Variants in KAT6B observed in about 807,000 individuals in gnomAD.
KAT6B encodes histone acetyltransferase KAT6B.
KAT6B carries 10 observed loss-of-function variants against 187.5 expected under a neutral mutation model. The ratio of observed to expected loss-of-function variants is 0.05; its 90% CI spans 0.03 to 0.09. The LOEUF is 0.09. Ranked by LOEUF, KAT6B falls within the 10% of genes least tolerant of loss-of-function variation. The probability of loss-of-function intolerance (pLI) is 1.00; values close to 1 mark genes in which losing one functional copy is unlikely to be tolerated. For synonymous variants in KAT6B, 861 were observed against 926.8 expected, an observed-to-expected ratio of 0.93 and a Z score of 1.29; for missense variants, 1,952 against 2,558.9, an observed-to-expected ratio of 0.76 and a Z score of 5.12.
At chr10:74,999,314 A>G (rs1214140833) in intron 13 of KAT6B, among the ~76,000 whole-genome samples, 1 of 152,218 alleles carries the variant, frequency 6.6e-6, no homozygotes, top group African/African-American at 2.4e-5. Flanking sequence ...TTGGATGTCT[A>G]CGTGCACTTT....
At chr10:74,849,451 C>T (rs1842327970) in intron 3 of KAT6B, among the ~76,000 whole-genome samples, 1 of 151,886 alleles carries the variant, frequency 6.6e-6, no homozygotes, top group Non-Finnish European at 1.5e-5. Context: ...CACCACCAAG[C>T]CCGGCTAATT....
intron 3 of KAT6B, among the ~76,000 whole-genome samples, chr10:74,866,933 C>A (rs1192763620): frequency 1.3e-5 from 2 of 152,156 alleles, no homozygotes; most frequent in African/African-American, 4.8e-5. Context: ...GATAGAATCC[C>A]ACACTTGGGG....
At chr10:75,008,649 T>C (rs1406586090) in intron 13 of KAT6B, among the ~76,000 whole-genome samples, 1 of 152,206 alleles carries the variant, frequency 6.6e-6, no homozygotes, top group Non-Finnish European at 1.5e-5. Flanking sequence ...CCTGTAGCTT[T>C]TGAGTTGCAT....
intron 3 of KAT6B, among the ~76,000 whole-genome samples, chr10:74,920,830 C>A (rs1016739128): frequency 2.0e-5 from 3 of 152,194 alleles, no homozygotes; most frequent in African/African-American, 7.2e-5. Context: ...GTCCATTTTT[C>A]TTTTCTTCTC....
chr10:74,878,830 C>T (rs1012621178), intron 3 of KAT6B, among the ~76,000 whole-genome samples: 1 of 152,116 alleles, frequency 6.6e-6, no homozygotes, highest in Non-Finnish European at 1.5e-5. Flanking sequence ...CTGTGTGGCT[C>T]AGGGTCTTTC....
At chr10:75,021,717 C>A (rs2134163702) in intron 15 of KAT6B, among the ~76,000 whole-genome samples, 164 bp from the exon 16 acceptor site, 1 of 152,278 alleles carries the variant, frequency 6.6e-6, no homozygotes, top group South Asian at 2.1e-4. Context: ...GATTTGTTAT[C>A]CTAACTGATG....
rs748099193 is a variant in KAT6B, at chr10:75,021,286, G to GTAA, written c.3021+3_3021+5dup. 4 of 1,613,654 alleles carry GTAA rather than the reference G, an allele frequency of 2.5e-6. No homozygotes were observed. The highest frequency in any genetic ancestry group is 3.4e-6 in the Non-Finnish European group (4 of 1,179,748). On this transcript the variant is annotated splice_donor_variant, in intron 15 of 17. Transcript: ENST00000287239. LOFTEE classifies it high-confidence loss of function. ...AGAAGAGCGAGAAGCTGAGAAAGAG[G>GTAA]TAATGATTGTCTTTATCATCCTAAG...
intron 13 of KAT6B, among the ~76,000 whole-genome samples, chr10:75,008,652 A>G (rs899297364): frequency 1.3e-5 from 2 of 152,216 alleles, no homozygotes; most frequent in African/African-American, 4.8e-5. Flanking sequence ...GTAGCTTTTG[A>G]GTTGCATCCA....
At chr10:74,984,087 T>C (rs1172560112) in intron 11 of KAT6B, 2 of 152,196 alleles carry the variant, frequency 1.3e-5, no homozygotes, top group Non-Finnish European at 2.9e-5. Context: ...TACTCTCAAA[T>C]ACATGTAAAC....
At chr10:74,846,065 T>C (rs1468772030) in intron 3 of KAT6B, among the ~76,000 whole-genome samples, 2 of 152,102 alleles carry the variant, frequency 1.3e-5, no homozygotes, top group African/African-American at 4.8e-5. Flanking sequence ...GGTTTCTCGA[T>C]GTTGCCCAGG....
At chr10:74,914,252 A>G (rs1589610578) in intron 3 of KAT6B, among the ~76,000 whole-genome samples, 1 of 152,322 alleles carries the variant, frequency 6.6e-6, no homozygotes, top group East Asian at 1.9e-4. Context: ...TTGTTCACAC[A>G]GTGTATCATT....
chr10:74,904,876 A>G, intron 3 of KAT6B, among the ~76,000 whole-genome samples: 1 of 152,148 alleles, frequency 6.6e-6, no homozygotes, highest in East Asian at 1.9e-4. Context: ...AGAAGTCTTC[A>G]CAGCAGTGGC....
At chr10:74,945,165 A>G (rs2133338493) in intron 3 of KAT6B, among the ~76,000 whole-genome samples, 1 of 152,390 alleles carries the variant, frequency 6.6e-6, no homozygotes, top group African/African-American at 2.4e-5. Context: ...AGATATATTC[A>G]TAAAATGAGG....
rs1845289190 is a variant in KAT6B at position 74,886,572 on chromosome 10, T to C, written c.621+43094T>C. Among the ~76,000 whole-genome samples, 5 of 152,286 alleles carry C rather than the reference T, an allele frequency of 3.3e-5. No homozygotes were observed. In the South Asian group the frequency reaches 8.3e-4, roughly 25 times the overall value. On this transcript the variant is annotated intron_variant, in intron 3 of 17. Transcript: ENST00000287239. ...CCTCTCCGCTCCCCCGTGCCCCACA[T>C]CTGGGAGGACCCCACCTGAGCTTGG...
intron 17 of KAT6B, among the ~76,000 whole-genome samples, 164 bp from the exon 18 acceptor site, chr10:75,028,325 A>G (rs773316840): frequency 6.6e-6 from 1 of 152,218 alleles, no homozygotes; most frequent in Non-Finnish European, 1.5e-5. Flanking sequence ...TTATAACACA[A>G]TATTATTACA....
intron 3 of KAT6B, among the ~76,000 whole-genome samples, chr10:74,848,904 G>A (rs1842292144): frequency 6.6e-6 from 1 of 152,154 alleles, no homozygotes; most frequent in African/African-American, 2.4e-5. Flanking sequence ...CATAGGATTT[G>A]CCTTGCATTG....
At position 74,872,866 on chromosome 10, in the gene KAT6B, T is replaced by A. The variant is rs113083496; in HGVS notation, c.621+29388T>A. Among the ~76,000 whole-genome samples, 165 of 152,060 alleles carry A rather than the reference T, an allele frequency of 1.1e-3. 4 individuals carry two copies. The highest frequency in any genetic ancestry group is 3.8e-3 in the African/African-American group (156 of 41,478). ...GACATGAAAACTAAATGGTCCTAGGTTGGAGGAAGAAAACTTACTGTAAAG... is the reference window on the plus strand; with the variant it reads ...GACATGAAAACTAAATGGTCCTAGGATGGAGGAAGAAAACTTACTGTAAAG... On this transcript the variant is annotated intron_variant, in intron 3 of 17. Coordinates refer to ENST00000287239, the MANE Select transcript of KAT6B (RefSeq NM_012330.4).
Position 75,028,860 on chromosome 10 carries a change from G to T in KAT6B, c.4036G>T (p.Asp1346Tyr), listed in dbSNP as rs542036896. 7.2e-4 allele frequency: 1,157 copies of T among 1,613,982 alleles called. 11 individuals are homozygous for T. The South Asian group carries it at 0.01, about 15-fold the overall frequency. ...NTSPGEKPED[D>Y]LIKPEEEEEE... ...ATCACCAGGTGAAAAACCAGAAGATGATCTCATCAAACCTGAGGAAGAGGA... is the reference window on the plus strand; with the variant it reads ...ATCACCAGGTGAAAAACCAGAAGATTATCTCATCAAACCTGAGGAAGAGGA... The change falls in exon 18 of 18, where the codon GAT becomes TAT. Residue 1346 changes from aspartate to tyrosine, a missense_variant. Transcript: ENST00000287239.
Position 74,904,472 on chromosome 10 carries a change from C to G in KAT6B, c.622-55498C>G, listed in dbSNP as rs1162018935. Among the ~76,000 whole-genome samples the G allele has an allele frequency of 2.0e-5, 3 of 152,194 alleles. No individual in the cohort carries two copies. The East Asian group carries it at 5.8e-4, about 29-fold the overall frequency. ...TTCTTCAAGGTCAGCTGGAAAATCT[C>G]CCACACACTTTTGGTCTTTACAATC... On this transcript the variant is annotated intron_variant, in intron 3 of 17. Transcript: ENST00000287239.
Sources: gnomAD v4.1 joint callset for allele counts (sites outside exome capture counted in the v4.1 genomes callset) on GRCh38, gnomAD v4.1.1 for gene constraint, MANE v1.5 for transcripts, NCBI Gene and HGNC (gene_info 2026-07-23, HGNC 2026-07-21) for gene names.